Variants in ADORA2B observed in about 807,000 individuals in gnomAD.
ADORA2B encodes adenosine receptor A2b.
In ADORA2B, 18 loss-of-function variants were observed where a neutral mutation model predicts 20.8. That is an observed-to-expected ratio of 0.87 (90% CI 0.60 to 1.29). The LOEUF (loss-of-function observed/expected upper bound fraction) is 1.29, where lower values mean the gene tolerates loss of function less well. ADORA2B is among the 50% of genes most tolerant of loss of function. The pLI is 0.00. For missense variants in ADORA2B, 441 were observed against 422.7 expected, an observed-to-expected ratio of 1.04 and a Z score of -0.38; for synonymous variants, 179 against 178.3, an observed-to-expected ratio of 1.00 and a Z score of -0.03.
intron 1 of ADORA2B, chr17:15,974,247 T>C (rs1970220360): frequency 6.0e-6 from 1 of 166,968 alleles, no homozygotes; most frequent in African/African-American, 2.4e-5. Flanking sequence ...TAGTCCACGA[T>C]GTACAGAGAA....
the ADORA2B span, among the ~76,000 whole-genome samples, chr17:15,919,380 A>G: frequency 6.6e-6 from 1 of 152,116 alleles, no homozygotes; most frequent in Non-Finnish European, 1.5e-5. Flanking sequence ...TTTCAGGACT[A>G]CCTAAAGCAA....
intron 1 of ADORA2B, 123 bp downstream of exon 1, chr17:15,945,706 G>A: frequency 4.3e-6 from 4 of 929,862 alleles, no homozygotes; most frequent in Non-Finnish European, 6.2e-6. Flanking sequence ...CGCGCGGGGC[G>A]CTTGGAGGGC....
At chr17:15,932,058 G>A in the ADORA2B span, among the ~76,000 whole-genome samples, 1 of 152,194 alleles carries the variant, frequency 6.6e-6, no homozygotes, top group Middle Eastern at 3.4e-3. Context: ...TTAGATATAT[G>A]ATTTGCAAAT....
At chr17:15,908,335 G>A in the ADORA2B span, among the ~76,000 whole-genome samples, 6 of 152,296 alleles carry the variant, frequency 3.9e-5, no homozygotes, top group South Asian at 1.0e-3. Flanking sequence ...TTTTTGGAAA[G>A]GGGTAGTATC....
At chr17:15,891,956 T>A in the ADORA2B span, among the ~76,000 whole-genome samples, 1 of 146,558 alleles carries the variant, frequency 6.8e-6, no homozygotes, top group East Asian at 1.9e-4. Flanking sequence ...CAAGCAATTC[T>A]TCTGCCTCAG....
chr17:15,955,229 CT>C lies in ADORA2B; in HGVS notation c.335+9647del, dbSNP rs536541279. The stretch of plus-strand genomic sequence containing the variant: ...CGAGTACACAGAGGGCCAACTTTTC[CT>C]GTAGTGGGGCTCTTGGGGCCAACTT... On this transcript the variant is annotated intron_variant, in intron 1 of 1. Transcript: ENST00000304222. Among the ~76,000 whole-genome samples the C allele has an allele frequency of 6.8e-3, 1,036 of 152,188 alleles. 12 individuals carry two copies. The highest frequency in any genetic ancestry group is 0.024 in the African/African-American group (978 of 41,520).
At chr17:15,869,545 A>G in the ADORA2B span, among the ~76,000 whole-genome samples, 1 of 152,160 alleles carries the variant, frequency 6.6e-6, no homozygotes, top group Non-Finnish European at 1.5e-5. Context: ...ATGAAGAAGT[A>G]TTGTGGCTAA....
chr17:15,946,458 T>C (rs1969807641), intron 1 of ADORA2B, among the ~76,000 whole-genome samples: 1 of 152,198 alleles, frequency 6.6e-6, no homozygotes. Flanking sequence ...CATTGAGAGT[T>C]TGTTGAAAGT....
At chr17:15,856,575 T>C in the ADORA2B span, among the ~76,000 whole-genome samples, 3 of 152,102 alleles carry the variant, frequency 2.0e-5, no homozygotes, top group Admixed American at 6.5e-5. Context: ...GTGGGAAAGT[T>C]TGGAACTTGC....
chr17:15,863,696 T>C, the ADORA2B span, among the ~76,000 whole-genome samples: 1 of 152,192 alleles, frequency 6.6e-6, no homozygotes, highest in Non-Finnish European at 1.5e-5. Context: ...GATGTAGTCT[T>C]GAAACCTGTA....
chr17:15,924,610 GAT>G, the ADORA2B span, among the ~76,000 whole-genome samples: 1 of 151,974 alleles, frequency 6.6e-6, no homozygotes, highest in Non-Finnish European at 1.5e-5. Context: ...TGTGGTGGTG[GAT>G]GCCTGTAGTC....
the ADORA2B span, among the ~76,000 whole-genome samples, chr17:15,885,790 A>G: frequency 6.6e-6 from 1 of 152,228 alleles, no homozygotes; most frequent in Non-Finnish European, 1.5e-5. Flanking sequence ...TTATTTCAGA[A>G]CCACTAACTT....
At chr17:15,867,281 G>A in the ADORA2B span, among the ~76,000 whole-genome samples, 1 of 151,600 alleles carries the variant, frequency 6.6e-6, no homozygotes, top group Admixed American at 6.6e-5. Context: ...CTGCCTGGCT[G>A]CCCAGTCTGG....
At chr17:15,858,263 G>T in the ADORA2B span, among the ~76,000 whole-genome samples, 17 of 152,104 alleles carry the variant, frequency 1.1e-4, no homozygotes, top group African/African-American at 3.9e-4. Flanking sequence ...ACCAGCACTT[G>T]TTTTTTTCTG....
intron 1 of ADORA2B, among the ~76,000 whole-genome samples, chr17:15,953,932 A>T (rs1969936728): frequency 6.6e-6 from 1 of 151,894 alleles, no homozygotes; most frequent in South Asian, 2.1e-4. Flanking sequence ...TGTATTGAAC[A>T]CATTTGCATT....
chr17:15,884,577 C>T, the ADORA2B span, among the ~76,000 whole-genome samples: 32 of 152,226 alleles, frequency 2.1e-4, no homozygotes, highest in African/African-American at 6.5e-4. Context: ...ACTCCCTCCA[C>T]GCCCCCATAC....
upstream of ADORA2B, among the ~76,000 whole-genome samples, chr17:15,940,363 G>A (rs1034379794): frequency 4.6e-5 from 7 of 152,182 alleles, no homozygotes; most frequent in African/African-American, 7.2e-5. Context: ...CAGGAAAAGC[G>A]GAGCCAGTCC....
the ADORA2B span, among the ~76,000 whole-genome samples, chr17:15,884,806 T>C: frequency 3.3e-5 from 5 of 152,212 alleles, no homozygotes; most frequent in Admixed American, 1.3e-4. Flanking sequence ...GTATTCTCTT[T>C]ATTCAGTCTA....
chr17:15,974,653 G>GT (rs760097778), intron 1 of ADORA2B, 26 bp from the exon 2 acceptor site: 17 of 1,596,886 alleles, frequency 1.1e-5, no homozygotes, highest in African/African-American at 1.3e-5. Context: ...TAAACTGACC[G>GT]TAACAGATGG....
Sources: gnomAD v4.1 joint callset for allele counts (sites outside exome capture counted in the v4.1 genomes callset) on GRCh38, gnomAD v4.1.1 for gene constraint, MANE v1.5 for transcripts, NCBI Gene and HGNC (gene_info 2026-07-23, HGNC 2026-07-21) for gene names.